The following NLGN1 variants were observed in gnomAD, a reference collection of about 807,000 sequenced individuals.
The protein encoded by NLGN1 is neuroligin-1.
Under a neutral mutation model 65.5 loss-of-function variants are expected in NLGN1, and 12 were observed. That is an observed-to-expected ratio of 0.18 (90% CI 0.12 to 0.30). NLGN1 has a LOEUF of 0.30. Ranked by LOEUF, NLGN1 falls within the 10% of genes least tolerant of loss-of-function variation. The probability of loss-of-function intolerance (pLI) is 1.00; values close to 1 mark genes in which losing one functional copy is unlikely to be tolerated. For synonymous variants in NLGN1, 350 were observed against 359.5 expected, an observed-to-expected ratio of 0.97 and a Z score of 0.30; for missense variants, 750 against 1,007.1, an observed-to-expected ratio of 0.74 and a Z score of 3.46.
chr3:173,621,032 C>T (rs1195224726), intron 3 of NLGN1, among the ~76,000 whole-genome samples: 1 of 152,150 alleles, frequency 6.6e-6, no homozygotes, highest in East Asian at 1.9e-4. Flanking sequence ...CGAGCATTTA[C>T]TGTGTGGCAC....
intron 4 of NLGN1, among the ~76,000 whole-genome samples, chr3:174,003,509 C>T (rs1723721679): frequency 1.3e-5 from 2 of 152,196 alleles, no homozygotes; most frequent in South Asian, 2.1e-4. Flanking sequence ...TACATTCAAA[C>T]CAAATGATCT....
chr3:174,249,877 T>C (rs1030020190), intron 4 of NLGN1, among the ~76,000 whole-genome samples: 19 of 152,196 alleles, frequency 1.2e-4, no homozygotes, highest in Admixed American at 7.2e-4. Context: ...TTGTCACAAA[T>C]GGGTCATGCA....
intron 4 of NLGN1, among the ~76,000 whole-genome samples, chr3:173,837,359 T>G (rs1723839438): frequency 6.6e-6 from 1 of 152,158 alleles, no homozygotes; most frequent in Non-Finnish European, 1.5e-5. Context: ...TATCTATATT[T>G]AAATGCACTC....
intron 3 of NLGN1, among the ~76,000 whole-genome samples, chr3:173,721,109 A>T (rs1245146137): frequency 6.6e-6 from 1 of 152,232 alleles, no homozygotes; most frequent in African/African-American, 2.4e-5. Context: ...GCCTGTTTTA[A>T]AAATTATTTT....
intron 2 of NLGN1, among the ~76,000 whole-genome samples, chr3:173,484,985 T>C (rs1353065805): frequency 6.6e-6 from 1 of 151,990 alleles, no homozygotes; most frequent in African/African-American, 2.4e-5. Context: ...TGATAAAGAC[T>C]TACTCAAGAC....
intron 2 of NLGN1, among the ~76,000 whole-genome samples, chr3:173,557,728 G>A (rs1439286330): frequency 6.6e-6 from 1 of 151,914 alleles, no homozygotes; most frequent in Non-Finnish European, 1.5e-5. Flanking sequence ...TGCTGTTGCT[G>A]TCATTTATTC....
intron 2 of NLGN1, among the ~76,000 whole-genome samples, chr3:173,568,071 C>A (rs1401823789): frequency 6.6e-6 from 1 of 152,092 alleles, no homozygotes; most frequent in African/African-American, 2.4e-5. Flanking sequence ...TACATTACCT[C>A]AAAAAATAAT....
intron 4 of NLGN1, among the ~76,000 whole-genome samples, chr3:173,948,697 A>C (rs1043336527): frequency 6.6e-6 from 1 of 152,192 alleles, no homozygotes; most frequent in African/African-American, 2.4e-5. Flanking sequence ...CAGTTGCATG[A>C]ATATTTACGT....
intron 4 of NLGN1, among the ~76,000 whole-genome samples, chr3:173,960,719 C>A (rs1162597386): frequency 1.3e-5 from 2 of 151,462 alleles, no homozygotes; most frequent in Non-Finnish European, 3.0e-5. Flanking sequence ...TTCTTGAAAT[C>A]CTTGTCTGTT....
intron 4 of NLGN1, among the ~76,000 whole-genome samples, chr3:174,205,014 A>C (rs755086838): frequency 9.2e-5 from 14 of 152,196 alleles, no homozygotes; most frequent in Non-Finnish European, 1.5e-4. Flanking sequence ...AGGATCGTGA[A>C]GTCTCTTGAT....
intron 1 of NLGN1, among the ~76,000 whole-genome samples, chr3:173,428,548 G>C (rs1205720257): frequency 6.6e-6 from 1 of 151,680 alleles, no homozygotes; most frequent in African/African-American, 2.4e-5. Flanking sequence ...AGAAAAAAAT[G>C]ATTCAATTTC....
intron 4 of NLGN1, among the ~76,000 whole-genome samples, chr3:174,176,208 A>G (rs1425175270): frequency 1.4e-4 from 21 of 151,930 alleles, no homozygotes; most frequent in Admixed American, 6.6e-4. Context: ...AATATCATCA[A>G]TCTTTTACCT....
chr3:173,943,338 A>G (rs1012198501), intron 4 of NLGN1, among the ~76,000 whole-genome samples: 1 of 152,188 alleles, frequency 6.6e-6, no homozygotes, highest in Middle Eastern at 3.2e-3. Context: ...TTGCAACCCC[A>G]ACATTGTCCT....
At chr3:173,827,835 A>C (rs1203210626) in intron 4 of NLGN1, among the ~76,000 whole-genome samples, 1 of 151,962 alleles carries the variant, frequency 6.6e-6, no homozygotes, top group Admixed American at 6.6e-5. Context: ...AAGAGCAGAA[A>C]ATAGATGTTC....
rs540035406 is a variant in NLGN1, at chr3:173,572,464, C to T, written c.-320-31815C>T. 4.6e-5 allele frequency among the ~76,000 whole-genome samples: 7 copies of T among 152,360 alleles called. No individual in the cohort carries two copies. The East Asian group carries it at 1.3e-3, about 29-fold the overall frequency. On this transcript the variant is annotated intron_variant, in intron 2 of 6. Transcript: ENST00000457714. ...GGCCAGTGAGGCTGGCACAGCCATG[C>T]AGCCATGAACCAATCTGAGTCCATG...
At chr3:173,935,633 CTCTCT>C (rs1744933799) in intron 4 of NLGN1, among the ~76,000 whole-genome samples, 3 of 150,236 alleles carry the variant, frequency 2.0e-5, no homozygotes, top group Non-Finnish European at 4.5e-5. Flanking sequence ...CTCTCTCTCT[CTCTCT>C]CTCTCTCTCT....
chr3:173,519,386 G>A (rs377752195), intron 2 of NLGN1, among the ~76,000 whole-genome samples: 7 of 152,128 alleles, frequency 4.6e-5, no homozygotes, highest in African/African-American at 1.2e-4. Context: ...TAGATCTACC[G>A]GCAGCTTGCA....
chr3:174,277,364 T>C (rs1271942065), intron 5 of NLGN1, among the ~76,000 whole-genome samples: 6 of 151,888 alleles, frequency 4.0e-5, no homozygotes, highest in African/African-American at 1.4e-4. Context: ...AAAACAAACA[T>C]ACATTTTTCC....
chr3:173,401,383 GTTTTGTT>G (rs1213544228), intron 1 of NLGN1, among the ~76,000 whole-genome samples: 1 of 150,982 alleles, frequency 6.6e-6, no homozygotes, highest in African/African-American at 2.4e-5. Context: ...TTTTTGTTTT[GTTTTGTT>G]TTTTGTTTTT....
Sources: gnomAD v4.1 joint callset for allele counts (sites outside exome capture counted in the v4.1 genomes callset) on GRCh38, gnomAD v4.1.1 for gene constraint, MANE v1.5 for transcripts, NCBI Gene and HGNC (gene_info 2026-07-23, HGNC 2026-07-21) for gene names.